The following RBM4 variants were observed in gnomAD, a reference collection of about 807,000 sequenced individuals.
RBM4 encodes the protein RNA binding motif protein 4, also known as RNA-binding protein 4.
A neutral mutation model predicts 29.5 loss-of-function variants in RBM4; 7 were observed. That is an observed-to-expected ratio of 0.24 (90% CI 0.14 to 0.45). RBM4 has a LOEUF of 0.45. Ranked by LOEUF, RBM4 falls within the 20% of genes least tolerant of loss-of-function variation. The probability of loss-of-function intolerance (pLI) is 1.00; values close to 1 mark genes in which losing one functional copy is unlikely to be tolerated. For synonymous variants in RBM4, 220 were observed against 205.4 expected (o/e 1.07, Z -0.61); for missense variants, 387 against 502.3 (o/e 0.77, Z 2.19).
At chr11:66,660,162 A>C (rs1364004137) in intron 2 of RBM4, among the ~76,000 whole-genome samples, 2 of 127,922 alleles carry the variant, frequency 1.6e-5, no homozygotes, top group African/African-American at 6.0e-5. Context: ...ATCTGAAGGG[A>C]CCTTTCTCTT....
rs537754803 is a variant in RBM4 at position 66,643,204 on chromosome 11, C to G, written c.413-246C>G. ...TGATTGGAGCAAGAGTAGTTTATTTCTTAAGCATTTAAACTGTTGTTATAG... is the reference window on the plus strand; with the variant it reads ...TGATTGGAGCAAGAGTAGTTTATTTGTTAAGCATTTAAACTGTTGTTATAG... On this transcript the variant is annotated intron_variant, in intron 2 of 3. Transcript: ENST00000310092. This position sits in a 1 kb window ranked among gnomAD's most constrained non-coding sequence, Gnocchi z 6.1. Among the ~76,000 whole-genome samples the G allele has an allele frequency of 1.3e-5, 2 of 151,862 alleles. No individual in the cohort carries two copies. The highest frequency in any genetic ancestry group is 2.9e-5 in the Non-Finnish European group (2 of 67,990).
chr11:66,658,330 G>A (rs935671733), intron 2 of RBM4, among the ~76,000 whole-genome samples: 5 of 116,160 alleles, frequency 4.3e-5, no homozygotes, highest in Non-Finnish European at 6.7e-5. Flanking sequence ...GCCTGGCCTA[G>A]TCTGACCTTT....
intron 3 of RBM4, 119 bp from the exon 4 acceptor site, chr11:66,645,908 G>T: frequency 1.3e-6 from 2 of 1,499,232 alleles, no homozygotes; most frequent in Admixed American, 2.0e-5. Context: ...GGGGGAGAAG[G>T]GTACAAGTAA....
chr11:66,668,369 C>A (rs1939324036), exon 3 of RBM4: 2 of 454,778 alleles, frequency 4.4e-6, no homozygotes, highest in Non-Finnish European at 3.9e-6. Context: ...AAAGAATGTT[C>A]TCACTAACAA....
At chr11:66,661,182 C>G (rs1347011634) in intron 2 of RBM4, among the ~76,000 whole-genome samples, 1 of 152,208 alleles carries the variant, frequency 6.6e-6, no homozygotes, top group Non-Finnish European at 1.5e-5. Context: ...TCATTTCTTG[C>G]ATTTCATTTC....
At chr11:66,651,559 A>G (rs545133356) in intron 2 of RBM4, among the ~76,000 whole-genome samples, 1 of 152,250 alleles carries the variant, frequency 6.6e-6, no homozygotes, top group South Asian at 2.1e-4. Context: ...CGTGTTAGCC[A>G]GGATGGTCTC....
downstream of RBM4, among the ~76,000 whole-genome samples, chr11:66,647,258 A>G (rs879383901): frequency 6.6e-6 from 1 of 152,248 alleles, no homozygotes; most frequent in Non-Finnish European, 1.5e-5. Context: ...ACTGTATGCC[A>G]GGCATTACCC....
intron 1 of RBM4, 49 bp from the exon 2 acceptor site, chr11:66,639,651 G>A (rs758366331): frequency 6.4e-7 from 1 of 1,574,594 alleles, no homozygotes; most frequent in Non-Finnish European, 8.6e-7. Context: ...TTTTGTGAAC[G>A]GATGTGGGCC....
intron 3 of RBM4, among the ~76,000 whole-genome samples, chr11:66,645,405 A>G (rs1297129407): frequency 6.6e-6 from 1 of 152,202 alleles, no homozygotes; most frequent in East Asian, 1.9e-4. Context: ...GGCAGAAGGT[A>G]TGTGGCTTTC....
In RBM4 at chr11:66,644,150, G is replaced by A; in HGVS notation, c.*8+10G>A. ...CCTTTTAAAGCTTGAGGTGAGAGGG[G>A]TGGGGTGTTCCCTCTTCTGGTTTTG... On this transcript the variant is annotated intron_variant, in intron 3 of 3. Transcript: ENST00000310092. The A allele has an allele frequency of 6.2e-7, 1 of 1,600,666 alleles. No homozygotes were observed. Among genetic ancestry groups the A allele is most frequent in the Non-Finnish European group, 8.5e-7 (1 of 1,172,486 alleles).
downstream of RBM4, chr11:66,650,001 T>G (rs1938790456): frequency 2.0e-6 from 1 of 504,592 alleles, no homozygotes; most frequent in South Asian, 3.1e-5. Flanking sequence ...ACTCCCTGAT[T>G]ACCTGCAATT....
Position 66,642,798 on chromosome 11 carries a change from G to A in RBM4, c.413-652G>A, listed in dbSNP as rs117869308. Among the ~76,000 whole-genome samples, 310 of 152,258 alleles carry A rather than the reference G, an allele frequency of 2.0e-3. 1 individual carries two copies. The highest frequency in any genetic ancestry group is 3.6e-3 in the Non-Finnish European group (242 of 68,014). On this transcript the variant is annotated intron_variant, in intron 2 of 3. Transcript: ENST00000310092. ...AACTGTCAGATTGTAAAGAATCCTC[G>A]TTAAAGCAATGATCAGAACCAGCAG...
downstream of RBM4, among the ~76,000 whole-genome samples, chr11:66,648,532 T>C (rs1938757390): frequency 6.6e-6 from 1 of 150,710 alleles, no homozygotes; most frequent in South Asian, 2.1e-4. Context: ...CAAAAACTTT[T>C]TGCCAGGCGC....
At chr11:66,650,927 A>G (rs1352606388), downstream of RBM4, among the ~76,000 whole-genome samples, 2 of 152,142 alleles carry the variant, frequency 1.3e-5, no homozygotes, top group Non-Finnish European at 2.9e-5. Flanking sequence ...GGAGGCTGAG[A>G]TGGGAGGATT....
At chr11:66,658,271 G>A (rs1938991511) in intron 2 of RBM4, among the ~76,000 whole-genome samples, 1 of 144,502 alleles carries the variant, frequency 6.9e-6, no homozygotes, top group African/African-American at 2.6e-5. Context: ...CAGGTAATCC[G>A]CCTGCCTCGG....
chr11:66,644,119 A>G lies in RBM4; in HGVS notation c.1082A>G (p.Tyr361Cys), dbSNP rs776577491. The change falls in exon 3 of 4, where the codon TAC becomes TGC. Residue 361 changes from tyrosine to cysteine, a missense_variant. By Grantham distance (194) the Tyr-to-Cys change is radical. This residue lies in a region of RBM4 where 281 missense variants were observed against 288.7 expected (regional missense o/e 0.97). Transcript: ENST00000310092. ...GAGCAGTATGCCGATCGGGCGCGGT[A>G]CTCAGCCTTTTAAAGCTTGAGGTGA... ...EREQYADRAR[Y>C]SAF 6.2e-7 allele frequency: 1 copy of G among 1,612,568 alleles called. No homozygotes were observed. Among genetic ancestry groups the G allele is most frequent in the Non-Finnish European group, 8.5e-7 (1 of 1,179,310 alleles).
rs574318210 is a variant in RBM4, at chr11:66,659,384, C to T, written c.413-6472C>T. Among the ~76,000 whole-genome samples the T allele has an allele frequency of 4.0e-5, 6 of 149,278 alleles. No individual in the cohort carries two copies. In the South Asian group the frequency reaches 8.4e-4, roughly 21 times the overall value. ...CCCCCGGATTCAAGTGATTCTTCTG[C>T]CTCAGTCTCCTGAGTAGCTAGGACT... is the stretch of plus-strand genomic sequence containing the variant. On this transcript the variant is annotated intron_variant, in intron 2 of 2. Coordinates refer to the RBM4 transcript ENST00000396053.
rs1372508203 is a variant in RBM4 at position 66,646,059 on chromosome 11, C to T, written c.*41C>T. ...GTGTGTGGGCTGAAATTCCGAGCTGCGGTTGTGCATGAGAATACACCCTTC... is the reference window on the plus strand; with the variant it reads ...GTGTGTGGGCTGAAATTCCGAGCTGTGGTTGTGCATGAGAATACACCCTTC... On this transcript the variant is annotated 3_prime_UTR_variant, in exon 4 of 4. Coordinates refer to ENST00000310092, the MANE Select transcript of RBM4 (RefSeq NM_002896.4). 3 of 1,536,072 alleles carry T rather than the reference C, an allele frequency of 2.0e-6. No individual in the cohort carries two copies. Among genetic ancestry groups the T allele is most frequent in the Non-Finnish European group, 1.7e-6 (2 of 1,146,906 alleles).
rs1451027818 is a variant in RBM4 at position 66,662,550 on chromosome 11, C to T, written c.413-3306C>T. On this transcript the variant is annotated intron_variant, in intron 2 of 2. Transcript: ENST00000396053. ...CCTAGTAGCTGGGATTACAGGTGCACACCACCATGCCCGGCTAATTTTTTG... is the reference window on the plus strand; with the variant it reads ...CCTAGTAGCTGGGATTACAGGTGCATACCACCATGCCCGGCTAATTTTTTG... Among the ~76,000 whole-genome samples the T allele has an allele frequency of 2.6e-5, 4 of 152,102 alleles. No homozygotes were observed. In the East Asian group the frequency reaches 7.7e-4, roughly 29 times the overall value.
Sources: allele counts gnomAD v4.1 joint callset (sites outside exome capture counted in the v4.1 genomes callset), GRCh38; gene constraint gnomAD v4.1.1; regional missense constraint gnomAD v4.1.1; non-coding constraint Gnocchi (gnomAD v3.1); transcripts MANE v1.5; gene names NCBI Gene and HGNC (gene_info 2026-07-23, HGNC 2026-07-21).